Variants in ABCC1 observed in about 807,000 individuals in gnomAD.
The protein encoded by ABCC1 is ATP binding cassette subfamily C member 1 (ABCC1 blood group).
A neutral mutation model predicts 172.9 loss-of-function variants in ABCC1; 83 were observed. The ratio of observed to expected loss-of-function variants is 0.48; its 90% CI spans 0.40 to 0.58. The LOEUF (loss-of-function observed/expected upper bound fraction) is 0.58, where lower values mean the gene tolerates loss of function less well. Ranked by LOEUF, ABCC1 falls within the 20% of genes least tolerant of loss-of-function variation. The pLI is 0.00. For synonymous variants in ABCC1, 937 were observed against 825.2 expected, an observed-to-expected ratio of 1.14 and a Z score of -2.32; for missense variants, 1,817 against 2,002.7, an observed-to-expected ratio of 0.91 and a Z score of 1.77.
At chr16:16,108,270 T>C (rs1490903408) in intron 21 of ABCC1, among the ~76,000 whole-genome samples, 3 of 133,076 alleles carry the variant, frequency 2.3e-5, no homozygotes, top group Non-Finnish European at 4.7e-5. Context: ...CGTTTCTTTG[T>C]GTCTTTTTTT....
intron 1 of ABCC1, among the ~76,000 whole-genome samples, chr16:15,988,208 G>T (rs1035135966): frequency 6.6e-6 from 1 of 152,164 alleles, no homozygotes; most frequent in Non-Finnish European, 1.5e-5. Context: ...GTGAGCCACT[G>T]TGCCTGGCTC....
intron 19 of ABCC1, chr16:16,095,032 G>C (rs902676538): frequency 3.3e-5 from 5 of 151,312 alleles, no homozygotes; most frequent in African/African-American, 1.2e-4. Flanking sequence ...TGACCAGGCT[G>C]GTCTCAAACT....
intron 24 of ABCC1, 83 bp from the exon 25 acceptor site, chr16:16,124,706 C>G: frequency 1.3e-6 from 2 of 1,585,406 alleles, no homozygotes; most frequent in Non-Finnish European, 1.7e-6. Flanking sequence ...GCAAAGAATC[C>G]CCTTCCTCCC....
intron 1 of ABCC1, among the ~76,000 whole-genome samples, chr16:15,999,837 T>TTTC (rs2047218827): frequency 3.6e-5 from 1 of 27,980 alleles, no homozygotes; most frequent in East Asian, 6.5e-4. Context: ...TCTCTCTGTC[T>TTTC]CTTTCTTTCT....
chr16:16,138,291 A>G (rs2045991276), intron 29 of ABCC1, 73 bp from the exon 30 acceptor site: 2 of 1,447,252 alleles, frequency 1.4e-6, no homozygotes, highest in South Asian at 1.4e-5. Flanking sequence ...CGCTTCTCCC[A>G]GCCTGGGCCT....
chr16:16,136,737 C>T, intron 29 of ABCC1, 93 bp downstream of exon 29: 1 of 1,421,014 alleles, frequency 7.0e-7, no homozygotes. Context: ...TCTGTGTCAC[C>T]TGGATTTGAG....
At chr16:16,136,710 T>C in intron 29 of ABCC1, 66 bp downstream of exon 29, 2 of 1,546,852 alleles carry the variant, frequency 1.3e-6, no homozygotes, top group South Asian at 2.4e-5. Flanking sequence ...TAGGGGTGTT[T>C]GAAGATTCTG....
At chr16:16,101,664 G>A (rs1230481716) in intron 19 of ABCC1, among the ~76,000 whole-genome samples, 4 of 152,094 alleles carry the variant, frequency 2.6e-5, no homozygotes, top group African/African-American at 7.2e-5. Flanking sequence ...TTCTCTCCTG[G>A]CACCAAAGAA....
At position 16,004,337 on chromosome 16, in the gene ABCC1, G is replaced by A. The variant is rs1245160737; in HGVS notation, c.49-3479G>A. Among the ~76,000 whole-genome samples the A allele has an allele frequency of 4.6e-5, 7 of 152,200 alleles. No individual in the cohort carries two copies. The East Asian group carries it at 1.4e-3, about 29-fold the overall frequency. On this transcript the variant is annotated intron_variant, in intron 1 of 30. Transcript: ENST00000399410. Reference sequence around the variant, plus strand: ...ACATAACTGCATATGTCAAGTCTTGGTATCGTTTTCTTTCTAGCAGGGCAC... The same window carrying A: ...ACATAACTGCATATGTCAAGTCTTGATATCGTTTTCTTTCTAGCAGGGCAC...
At chr16:16,004,504 G>T (rs1271965604) in intron 1 of ABCC1, among the ~76,000 whole-genome samples, 1 of 152,098 alleles carries the variant, frequency 6.6e-6, no homozygotes, top group Non-Finnish European at 1.5e-5. Context: ...CAGTCTTTGA[G>T]ATGTCATGCC....
intron 17 of ABCC1, 100 bp downstream of exon 17, chr16:16,083,642 T>A: frequency 6.8e-7 from 1 of 1,478,036 alleles, no homozygotes; most frequent in Non-Finnish European, 9.3e-7. Flanking sequence ...TGCTATCAGC[T>A]GACCCGGCAG....
intron 1 of ABCC1, among the ~76,000 whole-genome samples, chr16:15,975,326 G>A (rs937603487): frequency 6.6e-6 from 1 of 152,114 alleles, no homozygotes; most frequent in Non-Finnish European, 1.5e-5. Flanking sequence ...TTGGCTCTTA[G>A]GTGCTTGGGA....
At chr16:16,052,021 A>G (rs1244982534) in intron 10 of ABCC1, among the ~76,000 whole-genome samples, 2 of 152,178 alleles carry the variant, frequency 1.3e-5, no homozygotes, top group South Asian at 4.1e-4. Context: ...GCTTGAGCCC[A>G]TGAGTTTGAG....
At chr16:16,011,656 TTTTA>T (rs952425074) in intron 3 of ABCC1, among the ~76,000 whole-genome samples, 11 of 151,960 alleles carry the variant, frequency 7.2e-5, no homozygotes, top group African/African-American at 2.7e-4. Flanking sequence ...TACATTTATT[TTTTA>T]TTTATTTATT....
intron 7 of ABCC1, among the ~76,000 whole-genome samples, chr16:16,042,928 G>A (rs1328389790): frequency 1.3e-5 from 2 of 151,288 alleles, no homozygotes; most frequent in African/African-American, 4.9e-5. Flanking sequence ...GCACAACCTC[G>A]GCTCATTGCA....
chr16:16,091,404 CAA>C (rs10648689), intron 19 of ABCC1, among the ~76,000 whole-genome samples: 18 of 108,628 alleles, frequency 1.7e-4, no homozygotes, highest in Middle Eastern at 5.4e-3. Flanking sequence ...CCCAACTCTA[CAA>C]AAAAAAAAAA....
At position 16,056,232 on chromosome 16, in the gene ABCC1, G is replaced by T; in HGVS notation, c.1614G>T (p.Val538=). 1 of 1,614,240 alleles carries T rather than the reference G, an allele frequency of 6.2e-7. No homozygotes were observed. Among genetic ancestry groups the T allele is most frequent in the South Asian group, 1.1e-5 (1 of 91,084 alleles). The stretch of plus-strand genomic sequence containing the variant: ...CCATCAGGCAGGAGGAGCTGAAGGT[G>T]CTGAAGAAGTCTGCCTACCTGTCAG... ...VLAIRQEELK[V]LKKSAYLSAV... The change falls in exon 12 of 31, where the codon GTG becomes GTT. Residue 538 remains valine (V), a synonymous_variant. Coordinates refer to ENST00000399410, the MANE Select transcript of ABCC1 (RefSeq NM_004996.4).
intron 6 of ABCC1, among the ~76,000 whole-genome samples, chr16:16,034,713 G>A (rs1412115941): frequency 6.7e-6 from 1 of 149,508 alleles, no homozygotes; most frequent in Non-Finnish European, 1.5e-5. Context: ...TCAGCCTCCT[G>A]AGTAGCTGGG....
chr16:16,067,329 C>G (rs755517077), intron 12 of ABCC1, among the ~76,000 whole-genome samples: 13 of 152,286 alleles, frequency 8.5e-5, no homozygotes, highest in South Asian at 4.1e-4. Context: ...ATGTCAGAGC[C>G]AGAACACGAA....
Sources: gnomAD v4.1 joint callset for allele counts (sites outside exome capture counted in the v4.1 genomes callset) on GRCh38, gnomAD v4.1.1 for gene constraint, MANE v1.5 for transcripts, NCBI Gene and HGNC (gene_info 2026-07-23, HGNC 2026-07-21) for gene names.